Variants in MYB observed in about 807,000 individuals in gnomAD.
MYB encodes the protein transcriptional activator Myb.
Under a neutral mutation model 92.9 loss-of-function variants are expected in MYB, and 28 were observed. The ratio of observed to expected loss-of-function variants is 0.30; its 90% CI spans 0.22 to 0.41. The LOEUF (loss-of-function observed/expected upper bound fraction) is 0.41. Among genes scored for constraint, MYB ranks in the 10% least tolerant of loss-of-function variants. The pLI, the probability that MYB is intolerant of heterozygous loss-of-function variation, is 1.00. For missense variants in MYB, 679 were observed against 929.3 expected (o/e 0.73, Z 3.50); for synonymous variants, 295 against 329.1 (o/e 0.90, Z 1.12).
At position 135,218,304 on chromosome 6, in the gene MYB, T is replaced by C. The variant is rs922756590; in HGVS notation, c.*324T>C. The C allele has an allele frequency of 1.4e-5, 4 of 283,666 alleles. No homozygotes were observed. Among genetic ancestry groups the C allele is most frequent in the Admixed American group, 1.0e-4 (2 of 19,740 alleles). 17.6% of individuals were successfully genotyped at this position (283,666 alleles called of 1,614,324 possible). On this transcript the variant is annotated 3_prime_UTR_variant, in exon 16 of 16. Coordinates refer to ENST00000341911, the MANE Select transcript of MYB (RefSeq NM_001130173.2). ...TTTTAAAGGATCCAACAGATCAGTA[T>C]TTTTTCCTGTGATGGGTTTTTTGAA... is the stretch of plus-strand genomic sequence containing the variant.
intron 1 of MYB, among the ~76,000 whole-genome samples, chr6:135,184,254 G>T (rs1324435088): frequency 6.6e-6 from 1 of 151,174 alleles, no homozygotes; most frequent in Non-Finnish European, 1.5e-5. Context: ...GACTGCATTT[G>T]GGGTCTTTCC....
intron 15 of MYB, among the ~76,000 whole-genome samples, chr6:135,212,427 T>C (rs1779874540): frequency 6.6e-6 from 1 of 152,122 alleles, no homozygotes. Flanking sequence ...AATGTGAAGA[T>C]CATCTAATTC....
intron 1 of MYB, among the ~76,000 whole-genome samples, chr6:135,183,099 C>A (rs1201631038): frequency 1.3e-5 from 2 of 149,786 alleles, no homozygotes; most frequent in Non-Finnish European, 1.5e-5. Flanking sequence ...GCAGCGGCTC[C>A]GCGCCCCGAG....
At position 135,218,568 on chromosome 6, in the gene MYB, T is replaced by C. The variant is rs1311568881; in HGVS notation, c.*588T>C. 2 of 181,604 alleles carry C rather than the reference T, an allele frequency of 1.1e-5. No individual in the cohort carries two copies. Among genetic ancestry groups the C allele is most frequent in the Non-Finnish European group, 2.4e-5 (2 of 85,062 alleles). The allele number at this position is 181,604 out of a possible 1,614,324, so 11.2% of individuals were successfully genotyped here. A position where few individuals can be genotyped will look rare whatever the true frequency, so the allele number is the denominator to read the frequency against. ...TAAAAATTATTACTGTAAGAAATAG[T>C]TTTATAAAAAATTATATTTTTATTC... On this transcript the variant is annotated 3_prime_UTR_variant, in exon 16 of 16. Coordinates refer to ENST00000341911, the MANE Select transcript of MYB (RefSeq NM_001130173.2).
At chr6:135,210,082 TGCCTGCTTTCCTCA>T (rs1296620165) in intron 15 of MYB, among the ~76,000 whole-genome samples, 1 of 152,236 alleles carries the variant, frequency 6.6e-6, no homozygotes, top group Admixed American at 6.5e-5. Flanking sequence ...AGAAAAGAGT[TGCCTGCTTTCCTCA>T]GCGTGCTTTC....
chr6:135,191,641 A>G (rs79564755), intron 5 of MYB, among the ~76,000 whole-genome samples: 7,003 of 152,210 alleles, frequency 0.046, 427 homozygotes, highest in African/African-American at 0.14. Flanking sequence ...AAAAAGGGAG[A>G]CTTAAACGGT....
intron 15 of MYB, among the ~76,000 whole-genome samples, chr6:135,216,126 C>T (rs572867255): frequency 6.6e-6 from 1 of 152,272 alleles, no homozygotes; most frequent in South Asian, 2.1e-4. Context: ...GAGGTTACAT[C>T]TAGCTGGGGC....
At position 135,218,037 on chromosome 6, in the gene MYB, A is replaced by G. The variant is rs1583460722; in HGVS notation, c.*57A>G. 2 of 1,350,798 alleles carry G rather than the reference A, an allele frequency of 1.5e-6. No homozygotes were observed. The highest frequency in any genetic ancestry group is 1.1e-6 in the Non-Finnish European group (1 of 941,796). 83.7% of individuals were successfully genotyped at this position (1,350,798 alleles called of 1,614,324 possible). Reference sequence around the variant, plus strand: ...AACACTTCAAGTTGACTTGGGATATATCATTCCTCAACATGAAACTTTTCA... The same window carrying G: ...AACACTTCAAGTTGACTTGGGATATGTCATTCCTCAACATGAAACTTTTCA... On this transcript the variant is annotated 3_prime_UTR_variant, in exon 16 of 16. Coordinates refer to ENST00000341911, the MANE Select transcript of MYB (RefSeq NM_001130173.2).
intron 1 of MYB, among the ~76,000 whole-genome samples, chr6:135,184,928 C>T (rs549268405): frequency 6.6e-6 from 1 of 152,248 alleles, no homozygotes; most frequent in Admixed American, 6.5e-5. Context: ...GATTAACAAA[C>T]ATTATGATTA....
rs763362623 is a variant in MYB, at chr6:135,199,031, A to T, written c.1690A>T (p.Thr564Ser). Residue 564 changes from threonine (T) to serine (S), a missense_variant, in exon 11 of 16, where the codon ACT (threonine) becomes TCT (serine). Coordinates refer to ENST00000341911, the MANE Select transcript of MYB (RefSeq NM_001130173.2). ...ATTTCATAGAGACCAGACTGTGAAAACTCAAAAGGAAAATACTGTGTAAGT... is the reference window on the plus strand; with the variant it reads ...ATTTCATAGAGACCAGACTGTGAAATCTCAAAAGGAAAATACTGTGTAAGT... ...TPFHRDQTVK[T>S]QKENTVFRTP... 2 of 1,604,322 alleles carry T rather than the reference A, an allele frequency of 1.2e-6. No individual in the cohort carries two copies. Among genetic ancestry groups the T allele is most frequent in the East Asian group, 4.5e-5 (2 of 44,686 alleles).
intron 1 of MYB, among the ~76,000 whole-genome samples, chr6:135,183,307 G>A (rs111289670): frequency 6.6e-6 from 1 of 152,278 alleles, no homozygotes; most frequent in Non-Finnish European, 1.5e-5. Context: ...AGCGAAATGA[G>A]TTTGAACCCC....
Position 135,189,771 on chromosome 6 carries a change from T to C in MYB, c.214-20T>C. The C allele has an allele frequency of 6.2e-7, 1 of 1,603,330 alleles. No individual in the cohort carries two copies. The highest frequency in any genetic ancestry group is 1.1e-5 in the South Asian group (1 of 90,712). On this transcript the variant is annotated intron_variant, in intron 3 of 15. Coordinates refer to ENST00000341911, the MANE Select transcript of MYB (RefSeq NM_001130173.2). ...TTATCACATCATATCTTTATGGTGG[T>C]GCATACTTTATTTGTCTAGAATCGA...
At chr6:135,183,695 G>C (rs1016905212) in intron 1 of MYB, among the ~76,000 whole-genome samples, 1 of 152,264 alleles carries the variant, frequency 6.6e-6, no homozygotes, top group African/African-American at 2.4e-5. Context: ...AGCTGGGCGC[G>C]TGAGCAGCCC....
Position 135,200,158 on chromosome 6 carries a change from C to G in MYB, c.1783C>G (p.Leu595Val), listed in dbSNP as rs1777860019. Residue 595 changes from leucine (L) to valine (V), a missense_variant, in exon 12 of 16, where the codon CTT (leucine) becomes GTT (valine). Physicochemically the swap from Leu to Val is conservative, Grantham distance 32 (BLOSUM62 1). Transcript: ENST00000341911. ...AACTCCTACACCATTCAAACATGCA[C>G]TTGCAGCTCAAGAAATTAAATACGG... The part of the protein sequence containing the change: ...PRTPTPFKHA[L>V]AAQEIKYGPL... 2 of 1,614,228 alleles carry G rather than the reference C, an allele frequency of 1.2e-6. No homozygotes were observed. Among genetic ancestry groups the G allele is most frequent in the Non-Finnish European group, 1.7e-6 (2 of 1,180,044 alleles).
Position 135,190,073 on chromosome 6 carries a change from C to A in MYB, c.307-54C>A. ...CTTGTAACACTGAAGAATGATTATA[C>A]TGACTCATTACATAACTTTAAAACA... On this transcript the variant is annotated intron_variant, in intron 4 of 15. Transcript: ENST00000341911. This position sits in a 1 kb window ranked among gnomAD's most constrained non-coding sequence, Gnocchi z 4.5. 1 of 1,561,202 alleles carries A rather than the reference C, an allele frequency of 6.4e-7. No homozygotes were observed. Among genetic ancestry groups the A allele is most frequent in the Non-Finnish European group, 8.8e-7 (1 of 1,138,098 alleles).
At chr6:135,201,594 A>G (rs533092040) in intron 13 of MYB, 45 bp from the exon 14 acceptor site, 5 of 1,330,134 alleles carry the variant, frequency 3.8e-6, no homozygotes, top group Admixed American at 1.8e-5. Context: ...TACATGTTTC[A>G]TAGGAAGTTC....
rs1159391165 is a variant in MYB at position 135,209,641 on chromosome 6, T to C, written c.2169+6317T>C. On this transcript the variant is annotated intron_variant, in intron 15 of 15. Coordinates refer to ENST00000341911, the MANE Select transcript of MYB (RefSeq NM_001130173.2). ...TAAGCCATTATGTACACTCATGTTA[T>C]GTTTGTTTTTTTAATTACTTAGTCT... Among the ~76,000 whole-genome samples, 5 of 152,342 alleles carry C rather than the reference T, an allele frequency of 3.3e-5. No individual in the cohort carries two copies. In the East Asian group the frequency reaches 5.8e-4, roughly 18 times the overall value.
chr6:135,195,527 G>A (rs1402187716), intron 8 of MYB: 3 of 524,726 alleles, frequency 5.7e-6, no homozygotes, highest in Non-Finnish European at 1.0e-5. Flanking sequence ...ATGATAACAA[G>A]GTAATCATAT....
intron 8 of MYB, chr6:135,194,892 A>G (rs1387838648): frequency 1.6e-6 from 2 of 1,232,544 alleles, no homozygotes; most frequent in East Asian, 1.1e-4. Flanking sequence ...ATATACATGT[A>G]AAAGGTTATA....
Sources: gnomAD v4.1 joint callset for allele counts (sites outside exome capture counted in the v4.1 genomes callset) on GRCh38, gnomAD v4.1.1 for gene constraint, Gnocchi (gnomAD v3.1) non-coding constraint, MANE v1.5 for transcripts, NCBI Gene and HGNC (gene_info 2026-07-23, HGNC 2026-07-21) for gene names.